The following MRE11 variants were observed in gnomAD, a reference collection of about 807,000 sequenced individuals.
MRE11 encodes the protein MRE11 double strand break repair nuclease.
In MRE11, 62 loss-of-function variants were observed where a neutral mutation model predicts 91.7. The observed-to-expected ratio is 0.68, with a 90% CI of 0.55 to 0.84. The LOEUF is 0.84. Among genes scored for constraint, MRE11 ranks in the 40% least tolerant of loss-of-function variants. The pLI, the probability that MRE11 is intolerant of heterozygous loss-of-function variation, is 0.00. For missense variants in MRE11, 796 were observed against 852.9 expected (o/e 0.93, Z 0.83); for synonymous variants, 273 against 271.4 (o/e 1.01, Z -0.06).
chr11:94,447,106 A>T, intron 15 of MRE11, 113 bp downstream of exon 15: 2 of 1,124,466 alleles, frequency 1.8e-6, no homozygotes, highest in Non-Finnish European at 2.6e-6. Context: ...TAGATTTTTA[A>T]AGAACCGTGT....
chr11:94,480,938 G>GACCTATGC (rs1460642978), intron 4 of MRE11, among the ~76,000 whole-genome samples: 1 of 152,208 alleles, frequency 6.6e-6, no homozygotes, highest in African/African-American at 2.4e-5. Flanking sequence ...GAGAGTCACA[G>GACCTATGC]ACCTATGCCA....
chr11:94,445,209 A>G (rs1252917836), intron 16 of MRE11, among the ~76,000 whole-genome samples: 4 of 152,250 alleles, frequency 2.6e-5, no homozygotes, highest in Non-Finnish European at 5.9e-5. Flanking sequence ...ACCACTGTCC[A>G]TATAGTGACC....
At chr11:94,454,435 T>G (rs765335488) in intron 14 of MRE11, among the ~76,000 whole-genome samples, 1 of 152,084 alleles carries the variant, frequency 6.6e-6, no homozygotes, top group Non-Finnish European at 1.5e-5. Flanking sequence ...TGTTTGTCAG[T>G]ATAAGTAATT....
chr11:94,432,731 A>G (rs1457497751), intron 18 of MRE11, among the ~76,000 whole-genome samples: 1 of 152,158 alleles, frequency 6.6e-6, no homozygotes, highest in Admixed American at 6.5e-5. Context: ...GCGTGAACCC[A>G]GGAGGCGGAG....
the MRE11 span, among the ~76,000 whole-genome samples, chr11:94,501,916 C>T: frequency 3.9e-5 from 6 of 151,948 alleles, no homozygotes; most frequent in African/African-American, 4.8e-5. Flanking sequence ...TGAAATACAT[C>T]GAAATCATAT....
chr11:94,488,925 T>C (rs1169323421), intron 3 of MRE11, among the ~76,000 whole-genome samples: 2 of 152,114 alleles, frequency 1.3e-5, no homozygotes, highest in Non-Finnish European at 2.9e-5. Context: ...CCTGCACATG[T>C]ACCCCTGAAC....
chr11:94,496,622 G>A, upstream of MRE11: 1 of 1,339,322 alleles, frequency 7.5e-7, no homozygotes, highest in Non-Finnish European at 1.0e-6. Context: ...GAACAAAGCA[G>A]TCATAATTCA....
chr11:94,438,426 C>CCT (rs1945683671), intron 16 of MRE11, among the ~76,000 whole-genome samples: 1 of 152,138 alleles, frequency 6.6e-6, no homozygotes, highest in South Asian at 2.1e-4. Flanking sequence ...AGAGGAGAAA[C>CCT]GAGAGGCAGA....
At chr11:94,486,154 A>G in intron 3 of MRE11, 70 bp from the exon 4 acceptor site, 1 of 1,466,970 alleles carries the variant, frequency 6.8e-7, no homozygotes, top group Non-Finnish European at 9.3e-7. Flanking sequence ...TACAGATGAA[A>G]GAGATAAAAA....
the MRE11 span, among the ~76,000 whole-genome samples, chr11:94,508,241 C>G: frequency 6.6e-6 from 1 of 152,210 alleles, no homozygotes; most frequent in Non-Finnish European, 1.5e-5. Context: ...GCTACAGCAT[C>G]TGGCCTGAGA....
At position 94,419,459 on chromosome 11, in the gene MRE11, G is replaced by GGGGAGAGA. The variant is rs1253158974; in HGVS notation, c.*665_*666insTCTCTCCC. On this transcript the variant is annotated 3_prime_UTR_variant, in exon 20 of 20. Coordinates refer to ENST00000323929, the MANE Select transcript of MRE11 (RefSeq NM_005591.4). Reference sequence around the variant, plus strand: ...AGAAAGGAAGAGTGGGGAACGGGGGGGAGAGGGAGAGAGAGAGAGAGAGAG... The same window carrying GGGGAGAGA: ...AGAAAGGAAGAGTGGGGAACGGGGGGGGGAGAGAGAGAGGGAGAGAGAGAGAGAGAGAG... 60 of 183,616 alleles carry GGGGAGAGA rather than the reference G, an allele frequency of 3.3e-4. No homozygotes were observed. The highest frequency in any genetic ancestry group is 1.7e-3 in the African/African-American group (57 of 33,494). The allele number at this position is 183,616 out of a possible 1,614,324, so 11.4% of individuals were successfully genotyped here.
chr11:94,451,747 A>G lies in MRE11; in HGVS notation c.1564-4309T>C, dbSNP rs575469655. 2.0e-5 allele frequency among the ~76,000 whole-genome samples: 3 copies of G among 152,298 alleles called. No individual in the cohort carries two copies. The East Asian group carries it at 5.8e-4, about 29-fold the overall frequency. ...TAAAATCAGAACCATGTAATCACCA[A>G]TCATTCCTGATTTAAACAAATAAGC... On this transcript the variant is annotated intron_variant, in intron 14 of 19. Coordinates refer to ENST00000323929, the MANE Select transcript of MRE11 (RefSeq NM_005591.4).
chr11:94,450,697 T>G (rs778012120), intron 14 of MRE11, among the ~76,000 whole-genome samples: 32 of 152,088 alleles, frequency 2.1e-4, no homozygotes, highest in Admixed American at 1.9e-3. Context: ...TCACAACATA[T>G]GAGAGAGCTA....
chr11:94,511,299 G>C, the MRE11 span, among the ~76,000 whole-genome samples: 8 of 152,212 alleles, frequency 5.3e-5, no homozygotes, highest in Non-Finnish European at 8.8e-5. Flanking sequence ...CACCATGATT[G>C]TAAGTTTCCG....
At chr11:94,431,598 T>C (rs1307867624) in intron 18 of MRE11, among the ~76,000 whole-genome samples, 1 of 152,162 alleles carries the variant, frequency 6.6e-6, no homozygotes, top group Admixed American at 6.5e-5. Flanking sequence ...AGAGATGAGT[T>C]TGGGGTCAGA....
chr11:94,510,646 T>C, the MRE11 span, among the ~76,000 whole-genome samples: 1 of 152,234 alleles, frequency 6.6e-6, no homozygotes, highest in Non-Finnish European at 1.5e-5. Context: ...TTCTGCCATT[T>C]GGACTTCTGA....
chr11:94,502,102 T>C, the MRE11 span, among the ~76,000 whole-genome samples: 1 of 152,208 alleles, frequency 6.6e-6, no homozygotes, highest in African/African-American at 2.4e-5. Context: ...AACTATGCTG[T>C]ATGTGCTTCA....
upstream of MRE11, chr11:94,496,789 A>G: frequency 6.2e-7 from 1 of 1,614,100 alleles, no homozygotes; most frequent in Non-Finnish European, 8.5e-7. Context: ...TGTTGGAAAC[A>G]CATGGACACC....
intron 11 of MRE11, among the ~76,000 whole-genome samples, chr11:94,462,154 A>T (rs1463844453): frequency 6.6e-6 from 1 of 152,192 alleles, no homozygotes; most frequent in Non-Finnish European, 1.5e-5. Context: ...CAGAGAGCCA[A>T]ATCATGAGTG....
Sources: gnomAD v4.1 joint callset for allele counts (sites outside exome capture counted in the v4.1 genomes callset) on GRCh38, gnomAD v4.1.1 for gene constraint, MANE v1.5 for transcripts, NCBI Gene and HGNC (gene_info 2026-07-23, HGNC 2026-07-21) for gene names.